BZW2: variants seen among roughly 807,000 people sequenced by gnomAD.
BZW2 encodes the protein eIF5-mimic protein 1.
In BZW2, 23 loss-of-function variants were observed where a neutral mutation model predicts 53.2. That is an observed-to-expected ratio of 0.43 (90% confidence interval 0.31 to 0.61). The LOEUF (loss-of-function observed/expected upper bound fraction) is 0.61. Ranked by LOEUF, BZW2 falls within the 20% of genes least tolerant of loss-of-function variation. The probability of loss-of-function intolerance (pLI) is 0.09; values close to 1 mark genes in which losing one functional copy is unlikely to be tolerated. For synonymous variants in BZW2, 227 were observed against 186.4 expected, an observed-to-expected ratio of 1.22 and a Z score of -1.77; for missense variants, 409 against 503.1, an observed-to-expected ratio of 0.81 and a Z score of 1.79.
chr7:16,689,588 A>C (rs2128365489), intron 6 of BZW2, among the ~76,000 whole-genome samples: 1 of 152,352 alleles, frequency 6.6e-6, no homozygotes, highest in East Asian at 1.9e-4. Flanking sequence ...AAATTTGAAA[A>C]ATATTTTAAT....
Position 16,682,811 on chromosome 7 carries a change from AT to A in BZW2, c.374del (p.Leu125TrpfsTer9). On this transcript the variant is annotated frameshift_variant, in exon 5 of 12. Coordinates refer to ENST00000258761, the MANE Select transcript of BZW2 (RefSeq NM_014038.3). LOFTEE classifies it high-confidence loss of function. ...AATAAACTCATCAGGAGATATAAGT[AT>A]TTGGAGAAGGCATTTGAAGATGAAA... ...VFNKLIRRYK[Y>X]LEKAFEDEMK... is the part of the protein sequence containing the mutation. The A allele has an allele frequency of 6.3e-7, 1 of 1,584,046 alleles. No homozygotes were observed. Among genetic ancestry groups the A allele is most frequent in the South Asian group, 1.1e-5 (1 of 88,736 alleles).
At chr7:16,692,001 A>G (rs1210491360) in intron 7 of BZW2, among the ~76,000 whole-genome samples, 1 of 152,190 alleles carries the variant, frequency 6.6e-6, no homozygotes, top group Non-Finnish European at 1.5e-5. Flanking sequence ...CCTATGCACT[A>G]TGCCTGCCTG....
chr7:16,647,265 C>G (rs1781891602), intron 1 of BZW2, among the ~76,000 whole-genome samples: 1 of 152,138 alleles, frequency 6.6e-6, no homozygotes, highest in Admixed American at 6.5e-5. Context: ...TGATGTTTCT[C>G]TCAATATGTG....
At chr7:16,688,025 G>A (rs529996952) in intron 6 of BZW2, among the ~76,000 whole-genome samples, 3 of 151,488 alleles carry the variant, frequency 2.0e-5, no homozygotes, top group Admixed American at 6.6e-5. Context: ...TGTTATAGCC[G>A]TTTTTGTTTT....
At chr7:16,701,059 G>T (rs982682552) in intron 10 of BZW2, among the ~76,000 whole-genome samples, 3 of 151,960 alleles carry the variant, frequency 2.0e-5, no homozygotes, top group African/African-American at 7.3e-5. Context: ...ATTATTGAAA[G>T]ATTTATAAAT....
chr7:16,664,096 T>TC (rs1782347561), intron 1 of BZW2, among the ~76,000 whole-genome samples: 2 of 152,340 alleles, frequency 1.3e-5, no homozygotes, highest in Admixed American at 1.3e-4. Context: ...CTTGCTTTTT[T>TC]CCACTATCAA....
At chr7:16,659,852 A>AT (rs200974386) in intron 1 of BZW2, among the ~76,000 whole-genome samples, 2,357 of 147,084 alleles carry the variant, frequency 0.016, 41 homozygotes, top group African/African-American at 0.037. Flanking sequence ...TTATTTTTTT[A>AT]TTTTTTTTTT....
At chr7:16,666,419 T>G (rs867055121) in intron 2 of BZW2, among the ~76,000 whole-genome samples, 1 of 150,904 alleles carries the variant, frequency 6.6e-6, no homozygotes, top group African/African-American at 2.4e-5. Flanking sequence ...ATTTATTTAT[T>G]TAGAGACGGA....
chr7:16,682,526 C>T (rs1042935015), intron 4 of BZW2, among the ~76,000 whole-genome samples: 3 of 152,022 alleles, frequency 2.0e-5, no homozygotes, highest in South Asian at 2.1e-4. Flanking sequence ...ATTTTATTTT[C>T]GTCGAATTTT....
At chr7:16,671,366 G>A (rs1026746212) in intron 2 of BZW2, among the ~76,000 whole-genome samples, 1 of 152,140 alleles carries the variant, frequency 6.6e-6, no homozygotes, top group Non-Finnish European at 1.5e-5. Context: ...TTTAATAAAT[G>A]TAATTATCTC....
At chr7:16,659,030 G>A (rs1782187241) in intron 1 of BZW2, among the ~76,000 whole-genome samples, 1 of 150,852 alleles carries the variant, frequency 6.6e-6, no homozygotes, top group South Asian at 2.1e-4. Context: ...GGGAGGCTGA[G>A]GCAGGAGGAC....
intron 2 of BZW2, among the ~76,000 whole-genome samples, chr7:16,668,702 T>C (rs1262376526): frequency 6.6e-6 from 1 of 152,208 alleles, no homozygotes; most frequent in East Asian, 1.9e-4. Context: ...CTTTGAAACA[T>C]TTCCTAGCAA....
At position 16,689,920 on chromosome 7, in the gene BZW2, G is replaced by GCAAGCA; in HGVS notation, c.651+14_651+15insCAAGCA. 1 of 1,598,214 alleles carries GCAAGCA rather than the reference G, an allele frequency of 6.3e-7. No homozygotes were observed. The highest frequency in any genetic ancestry group is 8.6e-7 in the Non-Finnish European group (1 of 1,169,314). On this transcript the variant is annotated intron_variant, in intron 7 of 11. Transcript: ENST00000258761. The stretch of plus-strand genomic sequence containing the variant: ...AAGAGGCTGCTTGTAAGTGTTTTCT[G>GCAAGCA]GTTAAAGAGTTGTATGTATGATGCC...
intron 1 of BZW2, among the ~76,000 whole-genome samples, chr7:16,654,569 C>T (rs954971504): frequency 2.9e-5 from 4 of 137,666 alleles, no homozygotes; most frequent in African/African-American, 1.0e-4. Flanking sequence ...GAGTCTTGCT[C>T]TGTCAGCCAG....
At chr7:16,675,835 T>C (rs1782747368) in intron 3 of BZW2, among the ~76,000 whole-genome samples, 1 of 152,186 alleles carries the variant, frequency 6.6e-6, no homozygotes. Context: ...ATCCCAACAC[T>C]TTGGGAGGCT....
intron 7 of BZW2, among the ~76,000 whole-genome samples, chr7:16,694,054 G>T (rs963232376): frequency 2.6e-5 from 4 of 152,122 alleles, no homozygotes; most frequent in African/African-American, 7.2e-5. Context: ...TGAGAACTTT[G>T]AAAATCATCT....
intron 2 of BZW2, among the ~76,000 whole-genome samples, chr7:16,670,354 T>C (rs913669002): frequency 2.6e-5 from 4 of 152,236 alleles, no homozygotes; most frequent in African/African-American, 9.6e-5. Context: ...TCTGCATTGA[T>C]TCTTGGCATA....
rs1782501536 is a variant in BZW2, at chr7:16,668,530, G to A, written c.58+3029G>A. 3.3e-5 allele frequency among the ~76,000 whole-genome samples: 5 copies of A among 152,300 alleles called. No homozygotes were observed. In the South Asian group the frequency reaches 1.0e-3, roughly 32 times the overall value. On this transcript the variant is annotated intron_variant, in intron 2 of 11. Transcript: ENST00000258761. ...ACTTCATTTTCTGCTCTTCTTAGTAGTGAAACGCCTCCTGATGATTTCTCA... is the reference window on the plus strand; with the variant it reads ...ACTTCATTTTCTGCTCTTCTTAGTAATGAAACGCCTCCTGATGATTTCTCA...
At chr7:16,694,153 G>T (rs1194986880) in intron 7 of BZW2, among the ~76,000 whole-genome samples, 1 of 152,140 alleles carries the variant, frequency 6.6e-6, no homozygotes, top group Non-Finnish European at 1.5e-5. Context: ...GGGTAAAATG[G>T]AAATGAGGTG....
Sources: allele counts gnomAD v4.1 joint callset (sites outside exome capture counted in the v4.1 genomes callset), GRCh38; gene constraint gnomAD v4.1.1; transcripts MANE v1.5; gene names NCBI Gene and HGNC (gene_info 2026-07-23, HGNC 2026-07-21).